FGF12: variants seen among roughly 807,000 people sequenced by gnomAD.
FGF12 encodes fibroblast growth factor 12.
FGF12 carries 14 observed loss-of-function variants against 23.6 expected under a neutral mutation model. The ratio of observed to expected loss-of-function variants is 0.59; its 90% CI spans 0.39 to 0.93. FGF12 has a LOEUF of 0.93. Among genes scored for constraint, FGF12 ranks in the 40% least tolerant of loss-of-function variants. The probability of loss-of-function intolerance (pLI) is 0.00; values close to 1 mark genes in which losing one functional copy is unlikely to be tolerated. For synonymous variants in FGF12, 62 were observed against 77.3 expected, an observed-to-expected ratio of 0.80 and a Z score of 1.04; for missense variants, 175 against 217.8, an observed-to-expected ratio of 0.80 and a Z score of 1.24.
At chr3:192,445,177 C>A (rs1175865561) in intron 2 of FGF12, among the ~76,000 whole-genome samples, 6 of 152,184 alleles carry the variant, frequency 3.9e-5, no homozygotes, top group Admixed American at 3.3e-4. Context: ...ACCAGCAATT[C>A]ACAGAGGAGT....
intron 2 of FGF12, among the ~76,000 whole-genome samples, chr3:192,378,051 T>TTTCTTTCTTTCTTTCTTTC (rs1719624280): frequency 9.9e-6 from 1 of 101,394 alleles, no homozygotes; most frequent in Non-Finnish European, 1.8e-5. Context: ...TCTTTCTTTC[T>TTTCTTTCTTTCTTTCTTTC]TTCTTTCTTT....
At chr3:192,462,572 C>A (rs866485191) in intron 2 of FGF12, among the ~76,000 whole-genome samples, 6 of 151,996 alleles carry the variant, frequency 3.9e-5, no homozygotes, top group Non-Finnish European at 7.4e-5. Context: ...AATTTATTTT[C>A]TTTATAAATT....
At chr3:192,567,767 TTCTTTCTTTC>T in intron 2 of FGF12, among the ~76,000 whole-genome samples, 1 of 133,792 alleles carries the variant, frequency 7.5e-6, no homozygotes, top group East Asian at 2.1e-4. Flanking sequence ...CTTTCTTTCT[TTCTTTCTTTC>T]TTTCTTTCTT....
chr3:192,535,640 A>G (rs1725206279), intron 2 of FGF12, among the ~76,000 whole-genome samples: 1 of 152,182 alleles, frequency 6.6e-6, no homozygotes, highest in Non-Finnish European at 1.5e-5. Flanking sequence ...AAATAATTTG[A>G]CAGAAGCAGA....
intron 2 of FGF12, among the ~76,000 whole-genome samples, chr3:192,395,027 C>T (rs541015663): frequency 5.3e-4 from 80 of 152,188 alleles, no homozygotes; most frequent in Admixed American, 2.2e-3. Flanking sequence ...AATATAAGGA[C>T]CAGACATGAC....
chr3:192,407,878 G>A (rs1721028276), intron 2 of FGF12: 1 of 874,818 alleles, frequency 1.1e-6, no homozygotes, highest in South Asian at 1.7e-5. Flanking sequence ...CTGACAGAGT[G>A]GTTGAAAGAA....
intron 2 of FGF12, among the ~76,000 whole-genome samples, chr3:192,457,581 T>C (rs1359471211): frequency 6.6e-6 from 1 of 152,132 alleles, no homozygotes; most frequent in Non-Finnish European, 1.5e-5. Flanking sequence ...AGAGAGATGA[T>C]TTAGGTATCT....
intron 4 of FGF12, among the ~76,000 whole-genome samples, chr3:192,266,556 T>C (rs1040264977): frequency 3.3e-5 from 5 of 152,142 alleles, no homozygotes; most frequent in Non-Finnish European, 5.9e-5. Context: ...TATGAAGATA[T>C]ATATTCCACT....
intron 4 of FGF12, among the ~76,000 whole-genome samples, chr3:192,263,311 T>C (rs536682204): frequency 2.6e-5 from 4 of 152,246 alleles, no homozygotes; most frequent in Admixed American, 1.3e-4. Flanking sequence ...TCTAACTACA[T>C]TGGGCCTTAG....
intron 2 of FGF12, among the ~76,000 whole-genome samples, chr3:192,499,311 C>T (rs185490296): frequency 1.3e-5 from 2 of 151,526 alleles, no homozygotes; most frequent in African/African-American, 4.8e-5. Flanking sequence ...AACTAGATTT[C>T]AACCCAGGTC....
At chr3:192,186,243 A>G (rs1716459312) in intron 4 of FGF12, among the ~76,000 whole-genome samples, 1 of 152,230 alleles carries the variant, frequency 6.6e-6, no homozygotes, top group African/African-American at 2.4e-5. Flanking sequence ...GAAAATGCGA[A>G]TACTTCTTTT....
chr3:192,387,822 C>T (rs988236319), intron 2 of FGF12, among the ~76,000 whole-genome samples: 5 of 151,960 alleles, frequency 3.3e-5, no homozygotes, highest in Middle Eastern at 3.4e-3. Flanking sequence ...AGGAGGTTGA[C>T]GCTGCGGTGA....
chr3:192,610,462 T>G (rs1437674711), intron 2 of FGF12, among the ~76,000 whole-genome samples: 1 of 152,050 alleles, frequency 6.6e-6, no homozygotes, highest in Non-Finnish European at 1.5e-5. Context: ...AAGATTCACA[T>G]AAAATCTGGC....
chr3:192,706,880 C>T (rs375532973), intron 2 of FGF12, among the ~76,000 whole-genome samples: 3 of 152,174 alleles, frequency 2.0e-5, no homozygotes, highest in Non-Finnish European at 4.4e-5. Flanking sequence ...AAGGCGACTT[C>T]ACCAATAGAT....
chr3:192,443,705 C>G (rs997526640), intron 2 of FGF12, among the ~76,000 whole-genome samples: 2 of 152,172 alleles, frequency 1.3e-5, no homozygotes, highest in Non-Finnish European at 2.9e-5. Flanking sequence ...AAGATGATTT[C>G]CAGCTCAGCA....
rs374525948 is a variant in FGF12 at position 192,392,293 on chromosome 3, G to C, written c.14-31755C>G. Among the ~76,000 whole-genome samples the C allele has an allele frequency of 5.3e-5, 8 of 152,230 alleles. No homozygotes were observed. The South Asian group carries it at 1.2e-3, about 24-fold the overall frequency. ...AAGTAGAAAGCTGAACTAAGGCTGT[G>C]AGCAGTGGCTCACGCCTGTAATCCC... is the stretch of plus-strand genomic sequence containing the variant. On this transcript the variant is annotated intron_variant, in intron 2 of 5. Transcript: ENST00000445105.
At position 192,675,300 on chromosome 3, in the gene FGF12, C is replaced by CA. The variant is rs1352182521; in HGVS notation, c.13+51880dup. Among the ~76,000 whole-genome samples, 287 of 115,006 alleles carry CA rather than the reference C, an allele frequency of 2.5e-3. 2 individuals are homozygous for CA. Among genetic ancestry groups the CA allele is most frequent in the Middle Eastern group, 9.7e-3 (2 of 206 alleles). The allele number at this position is 115,006 out of a possible 152,430, so 75.4% of individuals were successfully genotyped here. A position where few individuals can be genotyped will look rare whatever the true frequency, so the allele number is the denominator to read the frequency against. On this transcript the variant is annotated intron_variant, in intron 2 of 5. Coordinates refer to ENST00000445105, the MANE Select transcript of FGF12 (RefSeq NM_004113.6). ...CTCTTATTCTGTCCTTCAAAGTAAG[C>CA]AAAAAAAAAAAAGTCCTACTTTTTT...
intron 4 of FGF12, among the ~76,000 whole-genome samples, chr3:192,283,937 C>A (rs1273628200): frequency 6.6e-6 from 1 of 152,062 alleles, no homozygotes; most frequent in Admixed American, 6.6e-5. Context: ...TCCTGCTCTA[C>A]CAGAGAAATT....
At chr3:192,438,584 T>C (rs137989741) in intron 2 of FGF12, among the ~76,000 whole-genome samples, 2 of 152,308 alleles carry the variant, frequency 1.3e-5, no homozygotes, top group Non-Finnish European at 2.9e-5. Flanking sequence ...AATAAGCCTC[T>C]TTCTGCTTCA....
Sources: allele counts gnomAD v4.1 joint callset (sites outside exome capture counted in the v4.1 genomes callset), GRCh38; gene constraint gnomAD v4.1.1; transcripts MANE v1.5; gene names NCBI Gene and HGNC (gene_info 2026-07-23, HGNC 2026-07-21).